Variants in SPON1 observed in about 807,000 individuals in gnomAD.
SPON1 encodes spondin-1.
A neutral mutation model predicts 111.7 loss-of-function variants in SPON1; 52 were observed. The ratio of observed to expected loss-of-function variants is 0.47; its 90% CI spans 0.37 to 0.59. The LOEUF (loss-of-function observed/expected upper bound fraction) is 0.59, where lower values mean the gene tolerates loss of function less well. SPON1 is among the 20% of genes least tolerant of loss of function. The pLI, the probability that SPON1 is intolerant of heterozygous loss-of-function variation, is 0.00. For missense variants in SPON1, 957 were observed against 1,068.5 expected, an observed-to-expected ratio of 0.90 and a Z score of 1.46; for synonymous variants, 410 against 395.8, an observed-to-expected ratio of 1.04 and a Z score of -0.43.
intron 3 of SPON1, among the ~76,000 whole-genome samples, chr11:14,054,457 T>C (rs1848729793): frequency 6.6e-6 from 1 of 152,232 alleles, no homozygotes; most frequent in Non-Finnish European, 1.5e-5. Flanking sequence ...CCTTTCAAAA[T>C]GTAAATCGGC....
At chr11:14,023,596 G>T (rs1443304857) in intron 2 of SPON1, among the ~76,000 whole-genome samples, 3 of 152,186 alleles carry the variant, frequency 2.0e-5, no homozygotes, top group African/African-American at 7.2e-5. Flanking sequence ...TTGGAGGTGG[G>T]CTGACTGGGA....
intron 6 of SPON1, among the ~76,000 whole-genome samples, chr11:14,234,468 A>G (rs1205623591): frequency 6.6e-6 from 1 of 152,144 alleles, no homozygotes. Context: ...TACTCAGGGG[A>G]GCAGCAGACT....
intron 5 of SPON1, among the ~76,000 whole-genome samples, chr11:14,085,927 A>G (rs1849002584): frequency 6.6e-6 from 1 of 152,076 alleles, no homozygotes; most frequent in African/African-American, 2.4e-5. Flanking sequence ...ACGGGAGTTC[A>G]CTCATGATTT....
At chr11:14,185,355 G>A (rs1414021407) in intron 6 of SPON1, among the ~76,000 whole-genome samples, 1 of 152,156 alleles carries the variant, frequency 6.6e-6, no homozygotes, top group Non-Finnish European at 1.5e-5. Flanking sequence ...TGTATGAACT[G>A]TTTTTCCTCT....
intron 6 of SPON1, among the ~76,000 whole-genome samples, chr11:14,172,093 G>GT (rs1848109840): frequency 6.6e-6 from 1 of 152,124 alleles, no homozygotes; most frequent in Non-Finnish European, 1.5e-5. Context: ...ACAGTGGAGT[G>GT]TTAAAGTCTC....
At chr11:14,081,338 C>T (rs575029206) in intron 5 of SPON1, among the ~76,000 whole-genome samples, 5 of 152,222 alleles carry the variant, frequency 3.3e-5, no homozygotes, top group Middle Eastern at 6.8e-3. Context: ...CAGACACTAA[C>T]CAAATAGTCA....
intron 6 of SPON1, among the ~76,000 whole-genome samples, chr11:14,205,184 C>T (rs782710352): frequency 2.6e-5 from 4 of 152,212 alleles, no homozygotes; most frequent in Non-Finnish European, 5.9e-5. Context: ...ATTTTGCCTT[C>T]GGAGTACTAC....
chr11:14,240,210 G>T (rs1848910630), intron 6 of SPON1, among the ~76,000 whole-genome samples: 1 of 152,168 alleles, frequency 6.6e-6, no homozygotes, highest in Non-Finnish European at 1.5e-5. Flanking sequence ...CCGTAGGCAT[G>T]GTGATATGGC....
intron 2 of SPON1, among the ~76,000 whole-genome samples, chr11:13,996,167 T>C (rs1424225882): frequency 2.0e-5 from 3 of 150,310 alleles, no homozygotes; most frequent in Non-Finnish European, 4.4e-5. Flanking sequence ...TAGTAAAAGT[T>C]TTTTTTTTTT....
At chr11:14,236,008 G>A (rs573828922) in intron 6 of SPON1, among the ~76,000 whole-genome samples, 6 of 152,308 alleles carry the variant, frequency 3.9e-5, no homozygotes, top group African/African-American at 1.4e-4. Context: ...AGTAGTAAGA[G>A]ATGAGGCTCA....
At chr11:14,093,458 C>T (rs936012611) in intron 5 of SPON1, among the ~76,000 whole-genome samples, 11 of 152,304 alleles carry the variant, frequency 7.2e-5, no homozygotes, top group Non-Finnish European at 1.3e-4. Flanking sequence ...AGCTGCATAG[C>T]TTCCCCCATT....
chr11:13,990,371 T>G (rs1261258218), intron 2 of SPON1, among the ~76,000 whole-genome samples: 6 of 109,748 alleles, frequency 5.5e-5, no homozygotes, highest in African/African-American at 1.7e-4. Flanking sequence ...TTGCAACTCC[T>G]GCTTTTTTTT....
In SPON1 at chr11:13,970,943, T is replaced by C. The variant is rs529995729; in HGVS notation, c.238+7801T>C. Among the ~76,000 whole-genome samples, 149 of 152,318 alleles carry C rather than the reference T, an allele frequency of 9.8e-4. 2 individuals are homozygous for C. The South Asian group carries it at 0.011, about 11-fold the overall frequency. ...TGTCTTTCTTATTTGCCATTTTATC[T>C]TCAATTCCCAGAACAGTGCCTGGGC... On this transcript the variant is annotated intron_variant, in intron 1 of 15. Coordinates refer to ENST00000576479, the MANE Select transcript of SPON1 (RefSeq NM_006108.4).
intron 3 of SPON1, among the ~76,000 whole-genome samples, chr11:14,052,481 T>C (rs1173771364): frequency 6.6e-6 from 1 of 151,962 alleles, no homozygotes; most frequent in African/African-American, 2.4e-5. Flanking sequence ...GTCAGGGTGG[T>C]TTTACTTCAG....
chr11:14,256,618 G>A lies in SPON1; in HGVS notation c.1235G>A (p.Gly412Asp). 1 of 1,610,748 alleles carries A rather than the reference G, an allele frequency of 6.2e-7. No homozygotes were observed. The highest frequency in any genetic ancestry group is 8.5e-7 in the Non-Finnish European group (1 of 1,178,246). Residue 412 changes from glycine to aspartate, a missense_variant and splice_region_variant, in exon 10 of 16, where the codon GGT (glycine) becomes GAT (aspartate). Physicochemically the swap from Gly to Asp is moderately conservative, Grantham distance 94. This residue lies in a region of SPON1 where 549 missense variants were observed against 606.2 expected (regional missense o/e 0.91). Transcript: ENST00000576479. ...CTCCAAGTAAAATTCCTTTTTCAGGGTGAACAATGCAATATTGTACCTGAC... is the reference window on the plus strand; with the variant it reads ...CTCCAAGTAAAATTCCTTTTTCAGGATGAACAATGCAATATTGTACCTGAC... ...RVVIERIARK[G>D]EQCNIVPDNV... is the part of the protein sequence containing the mutation.
At chr11:14,104,166 AT>A (rs1476683037) in intron 5 of SPON1, among the ~76,000 whole-genome samples, 1 of 151,852 alleles carries the variant, frequency 6.6e-6, no homozygotes, top group Non-Finnish European at 1.5e-5. Flanking sequence ...CTTTTTAAAG[AT>A]TTCCCAGTAA....
intron 6 of SPON1, among the ~76,000 whole-genome samples, chr11:14,151,610 A>G (rs999703723): frequency 1.3e-5 from 2 of 152,182 alleles, no homozygotes; most frequent in Non-Finnish European, 2.9e-5. Context: ...CCTGGGTTAT[A>G]ATGCCTTCTA....
chr11:14,151,990 C>A (rs1454539670), intron 6 of SPON1, among the ~76,000 whole-genome samples: 1 of 152,184 alleles, frequency 6.6e-6, no homozygotes, highest in Admixed American at 6.5e-5. Context: ...CTTCCAAATG[C>A]ATGTCATTTC....
At chr11:14,183,317 AAAG>A (rs1848253986) in intron 6 of SPON1, among the ~76,000 whole-genome samples, 1 of 152,226 alleles carries the variant, frequency 6.6e-6, no homozygotes, top group Non-Finnish European at 1.5e-5. Context: ...AGAAGAAGCC[AAAG>A]AAGAGCTATT....
Sources: allele counts gnomAD v4.1 joint callset (sites outside exome capture counted in the v4.1 genomes callset), GRCh38; gene constraint gnomAD v4.1.1; regional missense constraint gnomAD v4.1.1; transcripts MANE v1.5; gene names NCBI Gene and HGNC (gene_info 2026-07-23, HGNC 2026-07-21).